Variants in GALNTL6 observed in about 807,000 individuals in gnomAD.
GALNTL6 encodes the protein polypeptide N-acetylgalactosaminyltransferase like 6.
A neutral mutation model predicts 73.7 loss-of-function variants in GALNTL6; 46 were observed. That is an observed-to-expected ratio of 0.62 (90% confidence interval 0.49 to 0.80). GALNTL6 has a LOEUF of 0.80. Ranked by LOEUF, GALNTL6 falls within the 30% of genes least tolerant of loss-of-function variation. The pLI is 0.00. For synonymous variants in GALNTL6, 259 were observed against 263.7 expected (o/e 0.98, Z 0.17); for missense variants, 604 against 755.0 (o/e 0.80, Z 2.34).
At chr4:171,976,873 C>A (rs1739739038) in intron 2 of GALNTL6, among the ~76,000 whole-genome samples, 1 of 152,148 alleles carries the variant, frequency 6.6e-6, no homozygotes, top group African/African-American at 2.4e-5. Flanking sequence ...GAAAAATGTT[C>A]ATGAGAGAAA....
At chr4:172,543,939 A>G (rs1173828623) in intron 5 of GALNTL6, among the ~76,000 whole-genome samples, 1 of 152,188 alleles carries the variant, frequency 6.6e-6, no homozygotes, top group African/African-American at 2.4e-5. Context: ...GCTCCTCACA[A>G]CAACCCTATG....
At chr4:172,312,791 A>G (rs1409196152) in intron 4 of GALNTL6, among the ~76,000 whole-genome samples, 1 of 152,140 alleles carries the variant, frequency 6.6e-6, no homozygotes. Flanking sequence ...ATCTTTAGAA[A>G]TTTATTTAAA....
chr4:172,904,282 G>A (rs1309857604), intron 8 of GALNTL6, among the ~76,000 whole-genome samples: 1 of 152,164 alleles, frequency 6.6e-6, no homozygotes, highest in Non-Finnish European at 1.5e-5. Flanking sequence ...ATCATTCAAT[G>A]TGTTTACAGA....
At chr4:171,896,409 T>C (rs892866194) in intron 2 of GALNTL6, among the ~76,000 whole-genome samples, 1 of 152,204 alleles carries the variant, frequency 6.6e-6, no homozygotes, top group Non-Finnish European at 1.5e-5. Flanking sequence ...CTGTATTTTA[T>C]ACAAAATGAT....
At chr4:171,926,061 G>C (rs1372837054) in intron 2 of GALNTL6, among the ~76,000 whole-genome samples, 2 of 151,930 alleles carry the variant, frequency 1.3e-5, no homozygotes, top group African/African-American at 4.8e-5. Flanking sequence ...TTAACCCTAT[G>C]CCTTATATAC....
At position 171,899,697 on chromosome 4, in the gene GALNTL6, C is replaced by T. The variant is rs13118502; in HGVS notation, c.138+84979C>T. Among the ~76,000 whole-genome samples the T allele has an allele frequency of 9.5e-3, 1,441 of 152,244 alleles. 8 individuals are homozygous for T. Among genetic ancestry groups the T allele is most frequent in the Non-Finnish European group, 0.017 (1,136 of 67,972 alleles). On this transcript the variant is annotated intron_variant, in intron 2 of 12. Transcript: ENST00000506823. ...TGCTAGGAATCTAAATTGGAAAACC[C>T]TATTGTTTGAGTGTCATCTGCTAAT...
In GALNTL6 at chr4:172,734,428, G is replaced by T. The variant is rs1436384458; in HGVS notation, c.554-74933G>T. On this transcript the variant is annotated intron_variant, in intron 5 of 12. Coordinates refer to ENST00000506823, the MANE Select transcript of GALNTL6 (RefSeq NM_001034845.3). The stretch of plus-strand genomic sequence containing the variant: ...AGGCCCAGTGGCCTAGGAGGGAATG[G>T]GTAAACAGACCTGTTCCAAATGGGA... Among the ~76,000 whole-genome samples the T allele has an allele frequency of 2.6e-5, 4 of 152,112 alleles. No individual in the cohort carries two copies. The East Asian group carries it at 7.7e-4, about 29-fold the overall frequency.
intron 2 of GALNTL6, among the ~76,000 whole-genome samples, chr4:171,898,904 G>C (rs1267533299): frequency 3.9e-5 from 6 of 151,968 alleles, no homozygotes; most frequent in Non-Finnish European, 5.9e-5. Flanking sequence ...CTATTTGCAT[G>C]AGCATAGTCT....
intron 2 of GALNTL6, among the ~76,000 whole-genome samples, chr4:171,868,677 A>T (rs1736038962): frequency 6.6e-6 from 1 of 151,984 alleles, no homozygotes; most frequent in Admixed American, 6.6e-5. Context: ...CAGTAACTGA[A>T]CATTCTTTCT....
intron 5 of GALNTL6, among the ~76,000 whole-genome samples, chr4:172,778,756 C>T (rs75073114): frequency 6.6e-6 from 1 of 152,258 alleles, no homozygotes; most frequent in African/African-American, 2.4e-5. Context: ...GATTGCAAAA[C>T]AGAACAGTTC....
intron 5 of GALNTL6, among the ~76,000 whole-genome samples, chr4:172,645,789 G>T (rs568483186): frequency 7.4e-4 from 112 of 152,104 alleles, no homozygotes; most frequent in African/African-American, 2.6e-3. Context: ...GAAGATGTAT[G>T]ATTAAACTAA....
At chr4:172,557,641 C>G (rs1226403994) in intron 5 of GALNTL6, among the ~76,000 whole-genome samples, 4 of 152,078 alleles carry the variant, frequency 2.6e-5, no homozygotes, top group African/African-American at 7.2e-5. Context: ...TGAAAAATTA[C>G]TCAATACCAT....
chr4:171,908,785 AC>A (rs1274039605), intron 2 of GALNTL6, among the ~76,000 whole-genome samples: 9 of 151,180 alleles, frequency 6.0e-5, no homozygotes, highest in Non-Finnish European at 2.9e-5. Flanking sequence ...AAAATGTGGC[AC>A]ATATACACCA....
At chr4:172,567,382 A>G (rs929448029) in intron 5 of GALNTL6, among the ~76,000 whole-genome samples, 2 of 152,128 alleles carry the variant, frequency 1.3e-5, no homozygotes, top group African/African-American at 4.8e-5. Flanking sequence ...GCCCTGAGAT[A>G]GTCTATGATG....
intron 5 of GALNTL6, among the ~76,000 whole-genome samples, chr4:172,611,358 T>G (rs749850787): frequency 3.9e-5 from 6 of 151,978 alleles, no homozygotes; most frequent in Non-Finnish European, 7.4e-5. Flanking sequence ...TAAGGACCTC[T>G]CATAAGAAAG....
At chr4:172,462,584 A>G (rs77943270) in intron 5 of GALNTL6, among the ~76,000 whole-genome samples, 4,682 of 152,262 alleles carry the variant, frequency 0.031, 95 homozygotes, top group Middle Eastern at 0.071. Context: ...GATTTTATCT[A>G]TACAGCTCCA....
chr4:172,842,685 C>T (rs1295245045), intron 7 of GALNTL6, among the ~76,000 whole-genome samples: 1 of 151,124 alleles, frequency 6.6e-6, no homozygotes, highest in Non-Finnish European at 1.5e-5. Context: ...GAAGTCATTC[C>T]TGTAGGTAAC....
At chr4:172,459,808 G>T (rs1318006931) in intron 5 of GALNTL6, among the ~76,000 whole-genome samples, 1 of 152,046 alleles carries the variant, frequency 6.6e-6, no homozygotes, top group Non-Finnish European at 1.5e-5. Flanking sequence ...TATAGATTCA[G>T]TGTTATCCCC....
intron 7 of GALNTL6, among the ~76,000 whole-genome samples, chr4:172,839,603 T>C (rs1490713710): frequency 6.6e-6 from 1 of 152,212 alleles, no homozygotes; most frequent in Non-Finnish European, 1.5e-5. Context: ...TAAGATGCCA[T>C]GGTCTGATAG....
Sources: allele counts gnomAD v4.1 joint callset (sites outside exome capture counted in the v4.1 genomes callset), GRCh38; gene constraint gnomAD v4.1.1; transcripts MANE v1.5; gene names NCBI Gene and HGNC (gene_info 2026-07-23, HGNC 2026-07-21).